Variants in FBXL7 observed in about 807,000 individuals in gnomAD.
The protein encoded by FBXL7 is F-box and leucine rich repeat protein 7.
In FBXL7, 12 loss-of-function variants were observed where a neutral mutation model predicts 38.3. The observed-to-expected ratio is 0.31, with a 90% CI of 0.20 to 0.51. The LOEUF is 0.51. Among genes scored for constraint, FBXL7 ranks in the 20% least tolerant of loss-of-function variants. The pLI is 0.98. For synonymous variants in FBXL7, 297 were observed against 300.9 expected (o/e 0.99, Z 0.13); for missense variants, 567 against 676.4 (o/e 0.84, Z 1.79).
intron 2 of FBXL7, among the ~76,000 whole-genome samples, chr5:15,918,690 C>G (rs1741664168): frequency 6.6e-6 from 1 of 152,216 alleles, no homozygotes; most frequent in Non-Finnish European, 1.5e-5. Flanking sequence ...ATGAGTTCCA[C>G]CATCCTCGCC....
chr5:15,580,914 TTAGC>T, intron 1 of FBXL7: 1 of 736,572 alleles, frequency 1.4e-6, no homozygotes, highest in Non-Finnish European at 1.7e-6. Context: ...TGATCCACTC[TTAGC>T]TAGCCGGGTG....
chr5:15,848,506 C>T (rs866995645), intron 2 of FBXL7, among the ~76,000 whole-genome samples: 4 of 152,030 alleles, frequency 2.6e-5, no homozygotes, highest in African/African-American at 7.2e-5. Context: ...CTCAGCCTCC[C>T]GAGTAGCTGG....
chr5:15,633,850 G>T (rs76027611), intron 2 of FBXL7, among the ~76,000 whole-genome samples: 2 of 150,848 alleles, frequency 1.3e-5, no homozygotes, highest in African/African-American at 2.4e-5. Context: ...GCACGATCTC[G>T]GCTCACTACA....
At chr5:15,602,606 C>G (rs900166798) in intron 1 of FBXL7, among the ~76,000 whole-genome samples, 1 of 151,782 alleles carries the variant, frequency 6.6e-6, no homozygotes, top group African/African-American at 2.4e-5. Flanking sequence ...ATTTTTATTA[C>G]CAATGTTTAA....
chr5:15,795,815 T>C (rs1017463250), intron 2 of FBXL7, among the ~76,000 whole-genome samples: 8 of 151,960 alleles, frequency 5.3e-5, no homozygotes, highest in African/African-American at 1.9e-4. Flanking sequence ...TATTCAGAGA[T>C]CCACTATACC....
intron 2 of FBXL7, among the ~76,000 whole-genome samples, chr5:15,817,768 C>T (rs1561138249): frequency 6.6e-6 from 1 of 152,200 alleles, no homozygotes; most frequent in African/African-American, 2.4e-5. Flanking sequence ...TGAGGCCTCC[C>T]CAGCCATGTG....
chr5:15,524,361 G>C (rs80333777), intron 1 of FBXL7, among the ~76,000 whole-genome samples: 4,292 of 152,018 alleles, frequency 0.028, 85 homozygotes, highest in Middle Eastern at 0.085. Context: ...TAACTTCTTG[G>C]GGGGGCTGAA....
At chr5:15,585,833 A>G (rs1158028260) in intron 1 of FBXL7, among the ~76,000 whole-genome samples, 2 of 152,202 alleles carry the variant, frequency 1.3e-5, no homozygotes, top group African/African-American at 2.4e-5. Flanking sequence ...TATTAAACGC[A>G]AATCAAATTC....
At chr5:15,859,164 C>G (rs1475896906) in intron 2 of FBXL7, among the ~76,000 whole-genome samples, 1 of 152,108 alleles carries the variant, frequency 6.6e-6, no homozygotes, top group Non-Finnish European at 1.5e-5. Flanking sequence ...TTTTGAGGAG[C>G]CCCTACTGTG....
intron 1 of FBXL7, among the ~76,000 whole-genome samples, chr5:15,566,572 T>TA: frequency 6.6e-6 from 1 of 152,312 alleles, no homozygotes; most frequent in Non-Finnish European, 1.5e-5. Flanking sequence ...TTGTCTTTTT[T>TA]AATGCGAAAA....
At chr5:15,737,430 G>T (rs13358928) in intron 2 of FBXL7, among the ~76,000 whole-genome samples, 97,344 of 151,922 alleles carry the variant, frequency 0.64, 31,719 homozygotes, top group East Asian at 0.72. Context: ...AAACTCAACC[G>T]ACCAAACCAA....
chr5:15,606,921 A>G (rs1031285365), intron 1 of FBXL7: 2 of 152,290 alleles, frequency 1.3e-5, no homozygotes, highest in East Asian at 3.9e-4. Flanking sequence ...CACTTTTACA[A>G]TATGTATTCA....
chr5:15,846,574 T>C (rs1738909509), intron 2 of FBXL7, among the ~76,000 whole-genome samples: 1 of 152,208 alleles, frequency 6.6e-6, no homozygotes, highest in African/African-American at 2.4e-5. Flanking sequence ...ATTTGATTGG[T>C]TACAATTATA....
chr5:15,716,974 A>T (rs796508145), intron 2 of FBXL7, among the ~76,000 whole-genome samples: 38 of 152,338 alleles, frequency 2.5e-4, no homozygotes, highest in African/African-American at 7.9e-4. Flanking sequence ...TTTATGTTTA[A>T]AAATCCTACT....
chr5:15,604,817 T>C (rs1739952060), intron 1 of FBXL7, among the ~76,000 whole-genome samples: 1 of 152,174 alleles, frequency 6.6e-6, no homozygotes, highest in South Asian at 2.1e-4. Context: ...GCTCTCTCCA[T>C]CTCAGTTGAG....
At chr5:15,621,439 A>G (rs964207001) in intron 2 of FBXL7, among the ~76,000 whole-genome samples, 2 of 152,092 alleles carry the variant, frequency 1.3e-5, no homozygotes, top group Non-Finnish European at 2.9e-5. Flanking sequence ...TTCATGGGGT[A>G]TTCTCTCCTA....
At chr5:15,747,624 A>G (rs1736048430) in intron 2 of FBXL7, among the ~76,000 whole-genome samples, 1 of 152,216 alleles carries the variant, frequency 6.6e-6, no homozygotes, top group Admixed American at 6.5e-5. Flanking sequence ...CTTGATTCTC[A>G]GCAAAGGTGA....
At chr5:15,522,250 TCC>T (rs1330868901) in intron 1 of FBXL7, among the ~76,000 whole-genome samples, 1 of 152,152 alleles carries the variant, frequency 6.6e-6, no homozygotes, top group East Asian at 1.9e-4. Flanking sequence ...TTCCTTATCC[TCC>T]CTGTTAGTCC....
chr5:15,855,262 A>C (rs893105383), intron 2 of FBXL7, among the ~76,000 whole-genome samples: 3 of 152,168 alleles, frequency 2.0e-5, no homozygotes, highest in Non-Finnish European at 4.4e-5. Context: ...AAATATAAAA[A>C]AGCTCAGAAG....
Sources: gnomAD v4.1 joint callset for allele counts (sites outside exome capture counted in the v4.1 genomes callset) on GRCh38, gnomAD v4.1.1 for gene constraint, MANE v1.5 for transcripts, NCBI Gene and HGNC (gene_info 2026-07-23, HGNC 2026-07-21) for gene names.